CSMD1: variants seen among roughly 807,000 people sequenced by gnomAD.
CSMD1 encodes CUB and sushi domain-containing protein 1.
In CSMD1, 213 loss-of-function variants were observed where a neutral mutation model predicts 417.5. The observed-to-expected ratio is 0.51, with a 90% confidence interval of 0.46 to 0.57. The LOEUF (loss-of-function observed/expected upper bound fraction) is 0.57. Ranked by LOEUF, CSMD1 falls within the 20% of genes least tolerant of loss-of-function variation. CSMD1 has a pLI of 0.00. For synonymous variants in CSMD1, 2,862 were observed against 1,736.8 expected, an observed-to-expected ratio of 1.65 and a Z score of -16.11; for missense variants, 6,923 against 4,529.7, an observed-to-expected ratio of 1.53 and a Z score of -15.17.
Position 3,557,944 on chromosome 8 carries a change from A to G in CSMD1, c.1344+17001T>C, listed in dbSNP as rs538483417. On this transcript the variant is annotated intron_variant, in intron 10 of 69. Coordinates refer to ENST00000635120, the MANE Select transcript of CSMD1 (RefSeq NM_033225.6). Reference sequence around the variant, plus strand: ...ATAAATAGTTTGTTGGTTTGCAAAAACATTGTGGAATGTGTGCTACTACTC... The same window carrying G: ...ATAAATAGTTTGTTGGTTTGCAAAAGCATTGTGGAATGTGTGCTACTACTC... Among the ~76,000 whole-genome samples, 15 of 152,258 alleles carry G rather than the reference A, an allele frequency of 9.9e-5. No individual in the cohort carries two copies. In the East Asian group the frequency reaches 2.9e-3, roughly 29 times the overall value.
intron 3 of CSMD1, among the ~76,000 whole-genome samples, chr8:4,187,473 G>T (rs1053070602): frequency 6.6e-6 from 1 of 151,952 alleles, no homozygotes; most frequent in Admixed American, 6.6e-5. Flanking sequence ...GTGAAACCCC[G>T]TCGCTACTAA....
At chr8:3,233,145 T>C (rs947098009) in intron 26 of CSMD1, among the ~76,000 whole-genome samples, 6 of 152,200 alleles carry the variant, frequency 3.9e-5, no homozygotes, top group African/African-American at 1.2e-4. Context: ...ATAAATACTA[T>C]GGCTTGACTA....
intron 12 of CSMD1, among the ~76,000 whole-genome samples, chr8:3,440,151 A>G (rs968929493): frequency 1.3e-5 from 2 of 152,152 alleles, no homozygotes; most frequent in Admixed American, 1.3e-4. Context: ...CTACATTTTC[A>G]TACACATTTT....
intron 11 of CSMD1, among the ~76,000 whole-genome samples, chr8:3,488,388 G>A (rs1459305957): frequency 2.6e-5 from 4 of 152,154 alleles, no homozygotes; most frequent in East Asian, 3.9e-4. Flanking sequence ...GATTATAGGC[G>A]TATACCAGCA....
intron 5 of CSMD1, among the ~76,000 whole-genome samples, chr8:3,997,527 G>A (rs1428534574): frequency 6.6e-6 from 1 of 152,180 alleles, no homozygotes; most frequent in Non-Finnish European, 1.5e-5. Context: ...GCAGCAGTCT[G>A]TCAATTCTCG....
At chr8:4,168,343 C>T (rs1797573010) in intron 3 of CSMD1, among the ~76,000 whole-genome samples, 1 of 151,798 alleles carries the variant, frequency 6.6e-6, no homozygotes, top group Non-Finnish European at 1.5e-5. Context: ...CTACAGTGAT[C>T]CTTGATTGCG....
intron 5 of CSMD1, among the ~76,000 whole-genome samples, chr8:3,817,018 A>G (rs956964360): frequency 6.6e-6 from 1 of 152,138 alleles, no homozygotes; most frequent in African/African-American, 2.4e-5. Context: ...GTTGTAAAGA[A>G]AAAACAATTT....
At chr8:4,444,404 G>C (rs1339248713) in intron 2 of CSMD1, among the ~76,000 whole-genome samples, 1 of 141,436 alleles carries the variant, frequency 7.1e-6, no homozygotes, top group Non-Finnish European at 1.5e-5. Flanking sequence ...AGGTCATGCT[G>C]AATGTGGTGC....
chr8:4,842,587 TA>T (rs1237552910), intron 1 of CSMD1, among the ~76,000 whole-genome samples: 1 of 152,216 alleles, frequency 6.6e-6, no homozygotes, highest in African/African-American at 2.4e-5. Context: ...AGGGCACATG[TA>T]TCCCTGCTGC....
At chr8:4,223,990 A>G (rs756638395) in intron 3 of CSMD1, among the ~76,000 whole-genome samples, 5 of 152,150 alleles carry the variant, frequency 3.3e-5, no homozygotes, top group Non-Finnish European at 5.9e-5. Context: ...TTTCTAGTAA[A>G]ATTCTTTAAA....
chr8:3,744,392 G>C (rs975417187), intron 6 of CSMD1, among the ~76,000 whole-genome samples: 2 of 152,098 alleles, frequency 1.3e-5, no homozygotes, highest in East Asian at 3.9e-4. Flanking sequence ...TGGAACCCAG[G>C]TTAATGAATT....
At chr8:4,911,981 C>T (rs1585313221) in intron 1 of CSMD1, among the ~76,000 whole-genome samples, 1 of 151,698 alleles carries the variant, frequency 6.6e-6, no homozygotes, top group Non-Finnish European at 1.5e-5. Context: ...AATAATTTCT[C>T]CACAAGAAGT....
At chr8:3,979,155 T>C (rs1813662324) in intron 5 of CSMD1, among the ~76,000 whole-genome samples, 1 of 152,194 alleles carries the variant, frequency 6.6e-6, no homozygotes, top group South Asian at 2.1e-4. Context: ...CTGATCACAT[T>C]TTACAACACC....
intron 12 of CSMD1, among the ~76,000 whole-genome samples, chr8:3,440,476 TTTG>T (rs764079269): frequency 1.3e-5 from 2 of 152,160 alleles, no homozygotes; most frequent in African/African-American, 2.4e-5. Flanking sequence ...TACAGTAGAT[TTTG>T]TTGTTGTTGT....
chr8:4,896,870 T>C (rs923850514), intron 1 of CSMD1, among the ~76,000 whole-genome samples: 7 of 152,052 alleles, frequency 4.6e-5, no homozygotes, highest in African/African-American at 1.7e-4. Flanking sequence ...CCGGGAACAC[T>C]GTCCAAGGCA....
At chr8:4,404,419 C>T (rs1264239715) in intron 3 of CSMD1, among the ~76,000 whole-genome samples, 2 of 152,102 alleles carry the variant, frequency 1.3e-5, no homozygotes, top group Non-Finnish European at 1.5e-5. Flanking sequence ...TTCAGTTAAT[C>T]ATCAATAAAT....
At chr8:4,211,977 T>C (rs190139104) in intron 3 of CSMD1, among the ~76,000 whole-genome samples, 20 of 152,260 alleles carry the variant, frequency 1.3e-4, no homozygotes, top group Middle Eastern at 6.8e-3. Context: ...TTTTTAGCAG[T>C]ATGTCTTCTG....
intron 7 of CSMD1, among the ~76,000 whole-genome samples, chr8:3,625,361 T>TGAGA (rs1449101005): frequency 1.5e-4 from 23 of 152,142 alleles, no homozygotes; most frequent in Non-Finnish European, 2.4e-4. Flanking sequence ...CAACCCTGAG[T>TGAGA]GAGAGACAAG....
intron 3 of CSMD1, among the ~76,000 whole-genome samples, chr8:4,081,629 G>C (rs988427626): frequency 3.9e-5 from 6 of 152,098 alleles, no homozygotes; most frequent in African/African-American, 9.7e-5. Flanking sequence ...AGGACAAATG[G>C]AGATATGGAC....
Sources: allele counts gnomAD v4.1 joint callset (sites outside exome capture counted in the v4.1 genomes callset), GRCh38; gene constraint gnomAD v4.1.1; transcripts MANE v1.5; gene names NCBI Gene and HGNC (gene_info 2026-07-23, HGNC 2026-07-21).